The following AUTS2 variants were observed in gnomAD, a reference collection of about 807,000 sequenced individuals.
AUTS2 encodes autism susceptibility gene 2 protein.
A neutral mutation model predicts 112.4 loss-of-function variants in AUTS2; 17 were observed. The ratio of observed to expected loss-of-function variants is 0.15; its 90% CI spans 0.10 to 0.23. The LOEUF is 0.23. AUTS2 is among the 10% of genes least tolerant of loss of function. The pLI is 1.00. For synonymous variants in AUTS2, 751 were observed against 702.7 expected (o/e 1.07, Z -1.09); for missense variants, 1,510 against 1,701.6 (o/e 0.89, Z 1.98).
intron 4 of AUTS2, among the ~76,000 whole-genome samples, chr7:70,203,852 G>A (rs1810430964): frequency 6.6e-6 from 1 of 150,638 alleles, no homozygotes; most frequent in Non-Finnish European, 1.5e-5. Context: ...AAATATTTAA[G>A]TTATTTCTGA....
At chr7:69,681,630 A>T (rs1796801659) in intron 1 of AUTS2, among the ~76,000 whole-genome samples, 3 of 152,058 alleles carry the variant, frequency 2.0e-5, no homozygotes, top group Admixed American at 2.0e-4. Flanking sequence ...TAGGCAAGTT[A>T]CCTCCACTCT....
chr7:70,267,149 G>A (rs1263777935), intron 4 of AUTS2, among the ~76,000 whole-genome samples: 2 of 152,152 alleles, frequency 1.3e-5, no homozygotes, highest in East Asian at 3.9e-4. Context: ...CAGCTTTCCT[G>A]TTCTCTTTCA....
At chr7:70,431,920 G>A (rs138631802) in intron 4 of AUTS2, among the ~76,000 whole-genome samples, 18 of 152,346 alleles carry the variant, frequency 1.2e-4, no homozygotes, top group African/African-American at 3.8e-4. Flanking sequence ...TTGGCCAGGC[G>A]TGCACACGTC....
At chr7:70,383,708 C>T (rs1165323007) in intron 4 of AUTS2, among the ~76,000 whole-genome samples, 3 of 152,222 alleles carry the variant, frequency 2.0e-5, no homozygotes, top group Non-Finnish European at 2.9e-5. Flanking sequence ...GCCTCTCTGT[C>T]TAGGGACATC....
intron 2 of AUTS2, among the ~76,000 whole-genome samples, chr7:69,947,813 G>C (rs1277431296): frequency 6.6e-6 from 1 of 152,094 alleles, no homozygotes; most frequent in Non-Finnish European, 1.5e-5. Context: ...GTTAACCACT[G>C]TATATTTGGA....
chr7:70,290,684 C>T, intron 4 of AUTS2: 1 of 1,337,278 alleles, frequency 7.5e-7, no homozygotes, highest in Non-Finnish European at 9.5e-7. Flanking sequence ...CATCCCAATT[C>T]AGGTATCAGA....
At chr7:70,325,683 G>T (rs1026842548) in intron 4 of AUTS2, among the ~76,000 whole-genome samples, 4 of 152,182 alleles carry the variant, frequency 2.6e-5, no homozygotes, top group African/African-American at 4.8e-5. Flanking sequence ...ATTAGACTTA[G>T]AAATCATAGT....
intron 1 of AUTS2, among the ~76,000 whole-genome samples, chr7:69,823,278 T>C (rs1439660083): frequency 6.6e-6 from 1 of 152,202 alleles, no homozygotes; most frequent in Admixed American, 6.5e-5. Context: ...CAGTGTTGGT[T>C]ATTACACCTG....
chr7:70,224,950 T>C (rs1008444745), intron 4 of AUTS2, among the ~76,000 whole-genome samples: 4 of 152,342 alleles, frequency 2.6e-5, no homozygotes, highest in Middle Eastern at 6.8e-3. Context: ...CATTTAGGTT[T>C]GTCGAAGTGT....
chr7:70,178,480 T>A (rs1199523148), intron 4 of AUTS2, among the ~76,000 whole-genome samples: 1 of 152,104 alleles, frequency 6.6e-6, no homozygotes, highest in Admixed American at 6.5e-5. Flanking sequence ...CCTTATATAT[T>A]ATTAAAGATA....
intron 4 of AUTS2, among the ~76,000 whole-genome samples, chr7:70,286,227 C>T (rs1788452139): frequency 6.6e-6 from 1 of 152,126 alleles, no homozygotes; most frequent in Non-Finnish European, 1.5e-5. Flanking sequence ...TGTGCAGGGT[C>T]TTGAAGGCCA....
chr7:70,549,857 C>T, intron 5 of AUTS2, among the ~76,000 whole-genome samples: 1 of 152,218 alleles, frequency 6.6e-6, no homozygotes. Context: ...TCTCCAGGCT[C>T]ATTTATGTAA....
intron 1 of AUTS2, among the ~76,000 whole-genome samples, chr7:69,604,665 T>A (rs932309984): frequency 1.3e-5 from 2 of 152,170 alleles, no homozygotes; most frequent in Non-Finnish European, 2.9e-5. Flanking sequence ...AACAAGATGC[T>A]ACATGGTTAG....
chr7:70,495,778 T>A (rs905428974), intron 5 of AUTS2, among the ~76,000 whole-genome samples: 26 of 15,984 alleles, frequency 1.6e-3, no homozygotes, highest in Admixed American at 3.6e-3. Flanking sequence ...ACGTACACAG[T>A]CACACACACA....
chr7:69,920,703 A>G (rs1474846362), intron 2 of AUTS2, among the ~76,000 whole-genome samples: 1 of 152,084 alleles, frequency 6.6e-6, no homozygotes, highest in Non-Finnish European at 1.5e-5. Flanking sequence ...AAGATACAGT[A>G]TTTTCTTCCT....
intron 1 of AUTS2, among the ~76,000 whole-genome samples, chr7:69,897,319 G>T (rs892503850): frequency 2.0e-5 from 3 of 152,200 alleles, no homozygotes; most frequent in Non-Finnish European, 4.4e-5. Flanking sequence ...AAACTGAGTA[G>T]CTTATAAACA....
intron 1 of AUTS2, among the ~76,000 whole-genome samples, chr7:69,787,939 T>A (rs1269381409): frequency 6.6e-6 from 1 of 152,178 alleles, no homozygotes; most frequent in Non-Finnish European, 1.5e-5. Flanking sequence ...AGTGGAACTT[T>A]TATTAAGGAC....
chr7:70,665,447 T>C (rs1324943584), intron 5 of AUTS2, among the ~76,000 whole-genome samples: 1 of 134,042 alleles, frequency 7.5e-6, no homozygotes, highest in Non-Finnish European at 1.6e-5. Context: ...ATTTATCTAT[T>C]TATCTATTTA....
intron 4 of AUTS2, among the ~76,000 whole-genome samples, chr7:70,372,422 A>G (rs1006178103): frequency 5.9e-5 from 9 of 152,188 alleles, no homozygotes; most frequent in Non-Finnish European, 1.2e-4. Context: ...CTTCCTCTCA[A>G]AAACAAACTA....
Sources: gnomAD v4.1 joint callset for allele counts (sites outside exome capture counted in the v4.1 genomes callset) on GRCh38, gnomAD v4.1.1 for gene constraint, MANE v1.5 for transcripts, NCBI Gene and HGNC (gene_info 2026-07-23, HGNC 2026-07-21) for gene names.